ADD3: variants seen among roughly 807,000 people sequenced by gnomAD.
The protein encoded by ADD3 is gamma-adducin.
ADD3 carries 25 observed loss-of-function variants against 80.2 expected under a neutral mutation model. That is an observed-to-expected ratio of 0.31 (90% confidence interval 0.23 to 0.44). The LOEUF (loss-of-function observed/expected upper bound fraction) is 0.44. Among genes scored for constraint, ADD3 ranks in the 20% least tolerant of loss-of-function variants. The probability of loss-of-function intolerance (pLI) is 1.00; values close to 1 mark genes in which losing one functional copy is unlikely to be tolerated. For missense variants in ADD3, 829 were observed against 847.5 expected, an observed-to-expected ratio of 0.98 and a Z score of 0.27; for synonymous variants, 284 against 289.6, an observed-to-expected ratio of 0.98 and a Z score of 0.20.
At chr10:110,008,966 G>A (rs533697360) in intron 1 of ADD3, among the ~76,000 whole-genome samples, 2 of 152,244 alleles carry the variant, frequency 1.3e-5, no homozygotes, top group South Asian at 2.1e-4. Flanking sequence ...TTTGGGGCAC[G>A]TCCAGCCTCT....
At chr10:110,099,321 T>C (rs1005337670) in intron 1 of ADD3, among the ~76,000 whole-genome samples, 1 of 152,110 alleles carries the variant, frequency 6.6e-6, no homozygotes, top group African/African-American at 2.4e-5. Flanking sequence ...TGTAATAAGC[T>C]ACAATATTTC....
intron 1 of ADD3, among the ~76,000 whole-genome samples, chr10:110,058,958 T>C (rs1256567584): frequency 6.6e-6 from 1 of 152,212 alleles, no homozygotes; most frequent in Non-Finnish European, 1.5e-5. Context: ...CTCTCATCTT[T>C]TAAAATTATA....
intron 1 of ADD3, among the ~76,000 whole-genome samples, chr10:110,028,265 C>T (rs1331381826): frequency 2.6e-5 from 4 of 152,168 alleles, no homozygotes; most frequent in South Asian, 2.1e-4. Context: ...CTAAAATGAA[C>T]GTAGAAGTAT....
At chr10:110,083,680 G>C (rs923705138) in intron 1 of ADD3, among the ~76,000 whole-genome samples, 3 of 152,126 alleles carry the variant, frequency 2.0e-5, no homozygotes, top group Non-Finnish European at 4.4e-5. Flanking sequence ...GCCCCAGGCT[G>C]ATAGCTAAGT....
chr10:110,091,581 A>G (rs1471604732), intron 1 of ADD3, among the ~76,000 whole-genome samples: 1 of 152,218 alleles, frequency 6.6e-6, no homozygotes, highest in East Asian at 1.9e-4. Context: ...ACTAGCCATC[A>G]TATGCAGAAG....
chr10:110,128,896 C>T (rs1451245278), intron 12 of ADD3, among the ~76,000 whole-genome samples: 1 of 152,160 alleles, frequency 6.6e-6, no homozygotes, highest in Admixed American at 6.5e-5. Context: ...AAGAATGAGA[C>T]ATTAAAGCAT....
chr10:110,127,430 A>G (rs1204541474), intron 12 of ADD3, among the ~76,000 whole-genome samples: 1 of 152,210 alleles, frequency 6.6e-6, no homozygotes, highest in Non-Finnish European at 1.5e-5. Flanking sequence ...CATCCTGGCC[A>G]ACATGGTGAA....
rs146560144 is a variant in ADD3, at chr10:110,043,957, C to G, written c.-30+35658C>G. Among the ~76,000 whole-genome samples, 137 of 152,170 alleles carry G rather than the reference C, an allele frequency of 9.0e-4. 1 individual carries two copies. The highest frequency in any genetic ancestry group is 3.0e-3 in the African/African-American group (125 of 41,496). On this transcript the variant is annotated intron_variant, in intron 1 of 14. Transcript: ENST00000356080. ...GGTGCGGTGGCTCACGCCTGTAATC[C>G]CAGCACTTTGGGAGGCTGAGGTGGG...
intron 1 of ADD3, among the ~76,000 whole-genome samples, chr10:110,023,601 C>T (rs1172996654): frequency 6.6e-6 from 1 of 152,154 alleles, no homozygotes; most frequent in East Asian, 1.9e-4. Context: ...TGATTTATGA[C>T]AGAGGAAAGA....
At chr10:110,097,640 C>T (rs1848323319) in intron 1 of ADD3, among the ~76,000 whole-genome samples, 3 of 152,096 alleles carry the variant, frequency 2.0e-5, no homozygotes, top group Admixed American at 2.0e-4. Context: ...TAAATTTCAC[C>T]AATTGTCTCA....
intron 1 of ADD3, among the ~76,000 whole-genome samples, chr10:110,054,613 TC>T (rs1425430975): frequency 2.0e-5 from 3 of 149,348 alleles, no homozygotes; most frequent in Non-Finnish European, 4.5e-5. Flanking sequence ...TGGCAAAATT[TC>T]TTTTTTTTTT....
At chr10:110,001,763 T>C (rs762080575), upstream of ADD3, among the ~76,000 whole-genome samples, 13 of 152,148 alleles carry the variant, frequency 8.5e-5, no homozygotes, top group African/African-American at 4.8e-5. Flanking sequence ...GAATTAGTAT[T>C]TTAGGAAACA....
intron 8 of ADD3, among the ~76,000 whole-genome samples, chr10:110,120,474 T>C (rs1017902629): frequency 2.0e-5 from 3 of 152,060 alleles, no homozygotes; most frequent in African/African-American, 7.2e-5. Context: ...CAGTCTATCA[T>C]TGTTGGACAT....
chr10:110,021,819 A>T (rs1045717470), intron 1 of ADD3, among the ~76,000 whole-genome samples: 9 of 152,192 alleles, frequency 5.9e-5, no homozygotes, highest in Middle Eastern at 3.2e-3. Context: ...CATTGCGAAT[A>T]TACTGAAAAC....
At chr10:110,029,491 A>C (rs1854733280) in intron 1 of ADD3, among the ~76,000 whole-genome samples, 1 of 152,220 alleles carries the variant, frequency 6.6e-6, no homozygotes, top group African/African-American at 2.4e-5. Context: ...TATACGTATC[A>C]TATTTCTGAT....
At chr10:110,040,954 G>C (rs200247869) in intron 1 of ADD3, among the ~76,000 whole-genome samples, 3,455 of 29,450 alleles carry the variant, frequency 0.12, 66 homozygotes, top group Non-Finnish European at 0.28. Context: ...CGCTCTCTCT[G>C]TCTCTCTCTG....
chr10:110,006,402 C>CT (rs1464192086), upstream of ADD3, among the ~76,000 whole-genome samples: 2 of 151,982 alleles, frequency 1.3e-5, no homozygotes, highest in Non-Finnish European at 2.9e-5. Flanking sequence ...CATTTTTTTG[C>CT]TTTTTAAATG....
At chr10:110,097,129 A>G (rs1321232662) in intron 1 of ADD3, among the ~76,000 whole-genome samples, 1 of 152,246 alleles carries the variant, frequency 6.6e-6, no homozygotes, top group East Asian at 1.9e-4. Context: ...CAGTTATACA[A>G]TGTTACTACC....
At chr10:110,008,774 T>TA (rs199978729) in intron 1 of ADD3, among the ~76,000 whole-genome samples, 6 of 152,094 alleles carry the variant, frequency 3.9e-5, no homozygotes, top group African/African-American at 4.8e-5. Flanking sequence ...TTCTCCTCAT[T>TA]TAAAAAAAAT....
Sources: gnomAD v4.1 joint callset for allele counts (sites outside exome capture counted in the v4.1 genomes callset) on GRCh38, gnomAD v4.1.1 for gene constraint, MANE v1.5 for transcripts, NCBI Gene and HGNC (gene_info 2026-07-23, HGNC 2026-07-21) for gene names.